Variants in DPYD observed in about 807,000 individuals in gnomAD.
The protein encoded by DPYD is dihydropyrimidine dehydrogenase [NADP(+)].
A neutral mutation model predicts 116.2 loss-of-function variants in DPYD; 109 were observed. The observed-to-expected ratio is 0.94, with a 90% CI of 0.80 to 1.10. The LOEUF is 1.10. Among genes scored for constraint, DPYD ranks in the 50% least tolerant of loss-of-function variants. DPYD has a pLI of 0.00. For missense variants in DPYD, 1,302 were observed against 1,254.5 expected (o/e 1.04, Z -0.57); for synonymous variants, 440 against 432.0 (o/e 1.02, Z -0.23).
At chr1:97,801,932 TCATA>T (rs1667866791) in intron 3 of DPYD, among the ~76,000 whole-genome samples, 1 of 151,928 alleles carries the variant, frequency 6.6e-6, no homozygotes, top group African/African-American at 2.4e-5. Context: ...TGTCTAATTT[TCATA>T]CAAACTTAAC....
chr1:97,522,199 C>G (rs10157130), intron 12 of DPYD, among the ~76,000 whole-genome samples: 1,878 of 152,222 alleles, frequency 0.012, 22 homozygotes, highest in Middle Eastern at 0.024. Flanking sequence ...AGAACTTAAA[C>G]AAACTTACAA....
intron 8 of DPYD, among the ~76,000 whole-genome samples, chr1:97,616,925 T>C (rs934324876): frequency 6.6e-6 from 1 of 152,066 alleles, no homozygotes; most frequent in Non-Finnish European, 1.5e-5. Flanking sequence ...CTCCCTCTGT[T>C]GCCGGGCTGG....
intron 12 of DPYD, among the ~76,000 whole-genome samples, chr1:97,520,212 C>T (rs1648545448): frequency 6.6e-6 from 1 of 152,092 alleles, no homozygotes; most frequent in Admixed American, 6.6e-5. Context: ...GACAAGGTCT[C>T]TGACATTTAT....
chr1:97,396,768 A>G (rs1301840390), intron 14 of DPYD, among the ~76,000 whole-genome samples: 1 of 151,892 alleles, frequency 6.6e-6, no homozygotes, highest in African/African-American at 2.4e-5. Context: ...TCTTTTCCTC[A>G]TATTGGTCCT....
At chr1:97,801,626 G>A (rs1309142672) in intron 3 of DPYD, among the ~76,000 whole-genome samples, 1 of 151,836 alleles carries the variant, frequency 6.6e-6, no homozygotes, top group Non-Finnish European at 1.5e-5. Context: ...AACCTGAGAA[G>A]GTAACATTTG....
intron 8 of DPYD, among the ~76,000 whole-genome samples, chr1:97,676,917 G>A (rs1660174053): frequency 6.6e-6 from 1 of 152,286 alleles, no homozygotes; most frequent in South Asian, 2.1e-4. Context: ...AAATGTCAAA[G>A]ATTCACTTCT....
intron 7 of DPYD, among the ~76,000 whole-genome samples, chr1:97,686,567 G>T (rs1241132957): frequency 1.4e-5 from 2 of 146,588 alleles, no homozygotes; most frequent in Admixed American, 6.9e-5. Context: ...AACCTGGGAG[G>T]CGGAGCTTGC....
At chr1:97,492,391 T>G (rs1044649713) in intron 13 of DPYD, among the ~76,000 whole-genome samples, 5 of 152,130 alleles carry the variant, frequency 3.3e-5, no homozygotes, top group Admixed American at 1.3e-4. Flanking sequence ...GTGAGAGACT[T>G]AAAATGACTT....
chr1:97,198,735 T>C (rs541133283), intron 19 of DPYD, among the ~76,000 whole-genome samples: 1 of 152,324 alleles, frequency 6.6e-6, no homozygotes, highest in Non-Finnish European at 1.5e-5. Context: ...AAGTTCTTTA[T>C]GGTGAAGGCT....
chr1:97,620,416 A>G (rs1322416785), intron 8 of DPYD, among the ~76,000 whole-genome samples: 4 of 152,084 alleles, frequency 2.6e-5, no homozygotes, highest in African/African-American at 7.2e-5. Flanking sequence ...AGGTCTCCCT[A>G]TGTTTCTCAG....
chr1:97,131,654 C>T (rs555282959), intron 20 of DPYD, among the ~76,000 whole-genome samples: 1 of 152,200 alleles, frequency 6.6e-6, no homozygotes, highest in African/African-American at 2.4e-5. Context: ...AACCTGAGCA[C>T]AAACGTCAGT....
chr1:97,742,877 G>T (rs1191241913), intron 3 of DPYD, among the ~76,000 whole-genome samples: 1 of 152,010 alleles, frequency 6.6e-6, no homozygotes, highest in Non-Finnish European at 1.5e-5. Context: ...ACAAAAGTAA[G>T]CGCACACACA....
chr1:97,486,252 G>A (rs745385857), intron 13 of DPYD, among the ~76,000 whole-genome samples: 26 of 152,246 alleles, frequency 1.7e-4, no homozygotes, highest in Non-Finnish European at 2.6e-4. Flanking sequence ...TGTAAGGATA[G>A]AATCTATTTG....
intron 16 of DPYD, among the ~76,000 whole-genome samples, chr1:97,343,786 G>C (rs935163778): frequency 1.3e-5 from 2 of 152,026 alleles, no homozygotes; most frequent in Middle Eastern, 3.4e-3. Context: ...AAAGAACAAA[G>C]TCCCTTTACT....
intron 13 of DPYD, among the ~76,000 whole-genome samples, chr1:97,495,358 C>T (rs1326840547): frequency 6.6e-6 from 1 of 152,116 alleles, no homozygotes; most frequent in African/African-American, 2.4e-5. Context: ...GAGTTTCAGG[C>T]AGTGTCCTTT....
At chr1:97,533,985 C>T (rs1355720950) in intron 12 of DPYD, among the ~76,000 whole-genome samples, 1 of 152,148 alleles carries the variant, frequency 6.6e-6, no homozygotes, top group Non-Finnish European at 1.5e-5. Context: ...TTTTAGTAGT[C>T]TAAGGTAGTA....
intron 11 of DPYD, among the ~76,000 whole-genome samples, chr1:97,555,431 G>A (rs1166671337): frequency 6.6e-6 from 1 of 152,076 alleles, no homozygotes; most frequent in East Asian, 1.9e-4. Flanking sequence ...ATGCTCTAAT[G>A]TCCCTTCCAA....
At chr1:97,325,057 G>GA (rs201476960) in intron 16 of DPYD, among the ~76,000 whole-genome samples, 2 of 151,896 alleles carry the variant, frequency 1.3e-5, no homozygotes, top group African/African-American at 4.8e-5. Context: ...TTTCATGGGG[G>GA]AAAAAAATCT....
intron 2 of DPYD, among the ~76,000 whole-genome samples, chr1:97,849,416 T>C (rs1330398487): frequency 1.3e-5 from 2 of 152,202 alleles, no homozygotes; most frequent in Non-Finnish European, 2.9e-5. Context: ...TTACTCTATA[T>C]ATGGCATTGT....
Sources: gnomAD v4.1 joint callset for allele counts (sites outside exome capture counted in the v4.1 genomes callset) on GRCh38, gnomAD v4.1.1 for gene constraint, MANE v1.5 for transcripts, NCBI Gene and HGNC (gene_info 2026-07-23, HGNC 2026-07-21) for gene names.